NBEAL1: variants seen among roughly 807,000 people sequenced by gnomAD.
NBEAL1 encodes neurobeachin like 1.
A neutral mutation model predicts 351.3 loss-of-function variants in NBEAL1; 273 were observed. The ratio of observed to expected loss-of-function variants is 0.78; its 90% CI spans 0.70 to 0.86. The LOEUF (loss-of-function observed/expected upper bound fraction) is 0.86, where lower values mean the gene tolerates loss of function less well. Among genes scored for constraint, NBEAL1 ranks in the 40% least tolerant of loss-of-function variants. The pLI is 0.00. For missense variants in NBEAL1, 2,961 were observed against 3,201.3 expected (o/e 0.92, Z 1.81); for synonymous variants, 1,050 against 1,086.4 (o/e 0.97, Z 0.66).
At position 203,126,638 on chromosome 2, in the gene NBEAL1, C is replaced by A. The variant is rs927921200; in HGVS notation, c.3067C>A (p.Gln1023Lys). The A allele has an allele frequency of 1.6e-5, 24 of 1,529,402 alleles. No individual in the cohort carries two copies. The East Asian group carries it at 5.7e-4, about 36-fold the overall frequency. The allele number at this position is 1,529,402 out of a possible 1,614,324, so 94.7% of individuals were successfully genotyped here. A position where few individuals can be genotyped will look rare whatever the true frequency, so the allele number is the denominator to read the frequency against. The change falls in exon 22 of 56, where the codon CAG becomes AAG. Residue 1023 changes from glutamine to lysine, a missense_variant. By Grantham distance (53) the Gln-to-Lys change is moderately conservative. Transcript: ENST00000683969. ...ACAAGTATCATTAGAGAAAAATATG[C>A]AGCTCCTGCAACAAATGTATCAATA... ...IEQVSLEKNM[Q>K]LLQQMYQYLL...
At chr2:203,040,413 G>A (rs1220596062) in intron 2 of NBEAL1, 24 of 717,130 alleles carry the variant, frequency 3.3e-5, no homozygotes, top group Admixed American at 5.6e-5. Context: ...TGAGTTTACC[G>A]GTGGAGAGAA....
chr2:203,045,878 A>C (rs1417978986), intron 3 of NBEAL1, among the ~76,000 whole-genome samples: 2 of 152,226 alleles, frequency 1.3e-5, no homozygotes, highest in African/African-American at 2.4e-5. Context: ...ATTAGTATAC[A>C]GTGGCTTATG....
At chr2:203,165,809 G>A (rs1165183175) in intron 36 of NBEAL1, among the ~76,000 whole-genome samples, 2 of 152,158 alleles carry the variant, frequency 1.3e-5, no homozygotes, top group East Asian at 1.9e-4. Context: ...TTGGGAGACC[G>A]AGGTGGGTGG....
At chr2:203,189,478 T>A (rs541436827) in intron 45 of NBEAL1, among the ~76,000 whole-genome samples, 2 of 152,222 alleles carry the variant, frequency 1.3e-5, no homozygotes, top group Admixed American at 1.3e-4. Flanking sequence ...CTGGAACTCC[T>A]GGGGTCAACC....
At position 203,180,440 on chromosome 2, in the gene NBEAL1, G is replaced by C. The variant is rs1319875384; in HGVS notation, c.6523G>C (p.Asp2175His). 3 of 1,612,472 alleles carry C rather than the reference G, an allele frequency of 1.9e-6. No individual in the cohort carries two copies. The African/African-American group carries it at 4.0e-5, about 22-fold the overall frequency. ...TCCTGCTACCTGGCAAGCTCTTATG[G>C]ATAATCCATATGATGTTAAAGAACT... ...SIPATWQALM[D>H]NPYDVKELIP... is the part of the protein sequence containing the mutation. The change falls in exon 43 of 56, where the codon GAT becomes CAT. Residue 2175 changes from aspartate (D) to histidine (H), a missense_variant. Coordinates refer to ENST00000683969, the MANE Select transcript of NBEAL1 (RefSeq NM_001378026.1).
At chr2:203,042,821 C>T (rs1430042636) in intron 3 of NBEAL1, among the ~76,000 whole-genome samples, 1 of 152,094 alleles carries the variant, frequency 6.6e-6, no homozygotes, top group East Asian at 1.9e-4. Flanking sequence ...CTCTTGACCT[C>T]ATGATCCACC....
At chr2:203,207,308 C>T (rs1308315240) in intron 51 of NBEAL1, among the ~76,000 whole-genome samples, 4 of 150,314 alleles carry the variant, frequency 2.7e-5, no homozygotes, top group African/African-American at 4.9e-5. Flanking sequence ...GCCCCCCGCC[C>T]GGCCAGCCGC....
rs71034227 is a variant in NBEAL1, at chr2:203,190,159, TACACACACACACACACACACACACACAC to T, written c.6824-110_6824-83del. The T allele has an allele frequency of 2.0e-4, 90 of 450,524 alleles. No homozygotes were observed. The East Asian group carries it at 2.6e-3, about 13-fold the overall frequency. The allele number at this position is 450,524 out of a possible 1,614,324, so 27.9% of individuals were successfully genotyped here. On this transcript the variant is annotated intron_variant, in intron 45 of 55. Transcript: ENST00000683969. ...TCAAAAAAAAAAAAAAAGATGTGTG[TACACACACACACACACACACACACACAC>T]ACACACACACACACACACACACCAA...
intron 2 of NBEAL1, among the ~76,000 whole-genome samples, chr2:203,033,628 T>C (rs1294419039): frequency 6.6e-6 from 1 of 152,198 alleles, no homozygotes; most frequent in African/African-American, 2.4e-5. Context: ...ATCTAGGAAA[T>C]GATGATCAGT....
intron 3 of NBEAL1, among the ~76,000 whole-genome samples, chr2:203,045,112 A>G (rs1031334455): frequency 6.6e-6 from 1 of 152,174 alleles, no homozygotes; most frequent in Admixed American, 6.5e-5. Flanking sequence ...ATTAAAAAAA[A>G]TCTTTCTGAG....
At position 203,107,503 on chromosome 2, in the gene NBEAL1, A is replaced by T; in HGVS notation, c.1353A>T (p.Lys451Asn). The T allele has an allele frequency of 1.3e-6, 2 of 1,550,352 alleles. No homozygotes were observed. Among genetic ancestry groups the T allele is most frequent in the Non-Finnish European group, 1.7e-6 (2 of 1,145,596 alleles). ...SLGQPPLELL[K>N]ELMNMAVEGD... ...GTCAGCCACCACTGGAATTACTTAA[A>T]GAACTTATGAATATGGTGAGTTTAT... The change falls in exon 13 of 56, where the codon AAA becomes AAT. Residue 451 changes from lysine to asparagine, a missense_variant. Transcript: ENST00000683969.
At chr2:203,030,538 CT>C (rs2060934012) in intron 2 of NBEAL1, among the ~76,000 whole-genome samples, 1 of 152,108 alleles carries the variant, frequency 6.6e-6, no homozygotes, top group Non-Finnish European at 1.5e-5. Context: ...AATGAGAAAT[CT>C]AAGAAAATTT....
rs13028905 is a variant in NBEAL1, at chr2:203,199,594, G to A, written c.7238+147G>A. ...GAGTCTTGCTCTGCGGTGCAGTGGC[G>A]CAATCCCCACTCACTGAAACCTCTG... On this transcript the variant is annotated intron_variant, in intron 49 of 55. Transcript: ENST00000683969. The A allele has an allele frequency of 2.6e-5, 13 of 499,900 alleles. No individual in the cohort carries two copies. The South Asian group carries it at 2.6e-4, about 10-fold the overall frequency. 31.0% of individuals were successfully genotyped at this position (499,900 alleles called of 1,614,324 possible).
At chr2:203,173,331 TTC>T (rs1483747208) in intron 41 of NBEAL1, among the ~76,000 whole-genome samples, 2 of 152,132 alleles carry the variant, frequency 1.3e-5, no homozygotes, top group African/African-American at 4.8e-5. Flanking sequence ...GATTTTATAG[TTC>T]TGTTTATGAT....
intron 4 of NBEAL1, among the ~76,000 whole-genome samples, chr2:203,052,692 G>C (rs2061341889): frequency 6.6e-6 from 1 of 151,856 alleles, no homozygotes; most frequent in Non-Finnish European, 1.5e-5. Flanking sequence ...GAGTAGCTGA[G>C]ACTACAGGTA....
At position 203,208,753 on chromosome 2, in the gene NBEAL1, G is replaced by C. The variant is rs574393830; in HGVS notation, c.7623G>C (p.Arg2541Ser). 6.3e-7 allele frequency: 1 copy of C among 1,576,048 alleles called. No individual in the cohort carries two copies. Among genetic ancestry groups the C allele is most frequent in the Admixed American group, 2.0e-5 (1 of 50,078 alleles). Residue 2541 changes from arginine to serine, a missense_variant and splice_region_variant, in exon 52 of 56, where the codon AGG becomes AGC. Arg to Ser is a moderately radical substitution (Grantham distance 110). Coordinates refer to ENST00000683969, the MANE Select transcript of NBEAL1 (RefSeq NM_001378026.1). ...TELDMAVSGS[R>S]DGTVIIHTIQ... The stretch of plus-strand genomic sequence containing the variant: ...TAGACATGGCAGTGTCAGGATCAAG[G>C]GTAAGATTTCACCTTTAAGAAATAC...
chr2:203,138,773 T>A, intron 31 of NBEAL1, 25 bp downstream of exon 31: 3 of 1,595,550 alleles, frequency 1.9e-6, no homozygotes, highest in Non-Finnish European at 2.6e-6. Flanking sequence ...TTATATTATT[T>A]TCTGTGCTTG....
At chr2:203,082,064 G>T (rs1411949359) in intron 8 of NBEAL1, among the ~76,000 whole-genome samples, 1 of 152,164 alleles carries the variant, frequency 6.6e-6, no homozygotes, top group Non-Finnish European at 1.5e-5. Context: ...TTCAACATGG[G>T]TGACAGAGGA....
rs759204442 is a variant in NBEAL1, at chr2:203,138,210, A to G, written c.4614A>G (p.Ala1538=). Residue 1538 remains alanine (A), a synonymous_variant, in exon 30 of 56, where the codon GCA becomes GCG. Coordinates refer to ENST00000683969, the MANE Select transcript of NBEAL1 (RefSeq NM_001378026.1). ...LEWAISENRE[A]KTNPVTAENA... is the part of the protein sequence containing the mutation. ...GGGCAATCTCAGAAAACAGAGAAGCAAAAACTAATCCAGTAACTGCTGAAA... is the reference window on the plus strand; with the variant it reads ...GGGCAATCTCAGAAAACAGAGAAGCGAAAACTAATCCAGTAACTGCTGAAA... 1 of 1,614,144 alleles carries G rather than the reference A, an allele frequency of 6.2e-7. No individual in the cohort carries two copies. Among genetic ancestry groups the G allele is most frequent in the South Asian group, 1.1e-5 (1 of 91,084 alleles).
Sources: gnomAD v4.1 joint callset for allele counts (sites outside exome capture counted in the v4.1 genomes callset) on GRCh38, gnomAD v4.1.1 for gene constraint, MANE v1.5 for transcripts, NCBI Gene and HGNC (gene_info 2026-07-23, HGNC 2026-07-21) for gene names.